Variants in HIBCH observed in about 807,000 individuals in gnomAD.
HIBCH encodes the protein 3-hydroxyisobutyryl-CoA hydrolase, mitochondrial.
A neutral mutation model predicts 58.2 loss-of-function variants in HIBCH; 50 were observed. The observed-to-expected ratio is 0.86, with a 90% CI of 0.68 to 1.09. The LOEUF (loss-of-function observed/expected upper bound fraction) is 1.09, where lower values mean the gene tolerates loss of function less well. Among genes scored for constraint, HIBCH ranks in the 50% least tolerant of loss-of-function variants. The probability of loss-of-function intolerance (pLI) is 0.00; values close to 1 mark genes in which losing one functional copy is unlikely to be tolerated. For synonymous variants in HIBCH, 151 were observed against 146.9 expected (o/e 1.03, Z -0.20); for missense variants, 450 against 449.7 (o/e 1.00, Z -0.01).
chr2:190,315,684 A>T lies in HIBCH; in HGVS notation c.35+4032T>A, dbSNP rs779949806. Among the ~76,000 whole-genome samples, 6 of 152,242 alleles carry T rather than the reference A, an allele frequency of 3.9e-5. No homozygotes were observed. Among genetic ancestry groups the T allele is most frequent in the Non-Finnish European group, 8.8e-5 (6 of 68,038 alleles). ...AAGGTGTGAACAGAGCAGAAAATCAAGTCCAGGAGGCCAATAATTTAGGCA... is the reference window on the plus strand; with the variant it reads ...AAGGTGTGAACAGAGCAGAAAATCATGTCCAGGAGGCCAATAATTTAGGCA... On this transcript the variant is annotated intron_variant, in intron 1 of 13. Coordinates refer to ENST00000359678, the MANE Select transcript of HIBCH (RefSeq NM_014362.4). The surrounding 1 kb of genome is among the most constrained non-coding windows in gnomAD (Gnocchi z 5.4).
At chr2:190,193,110 A>G (rs1175819857) in intron 1 of HIBCH, among the ~76,000 whole-genome samples, 5 of 152,074 alleles carry the variant, frequency 3.3e-5, no homozygotes, top group Admixed American at 1.3e-4. Flanking sequence ...GTCTTTCACC[A>G]CTAACATTAC....
chr2:190,211,949 G>C lies in HIBCH; in HGVS notation c.1011+1007C>G, dbSNP rs1396933063. The stretch of plus-strand genomic sequence containing the variant: ...AAACATGGAATGTGTGAGGTATACA[G>C]GAGAGTGGTCAAGAGTGCAGGCACT... On this transcript the variant is annotated intron_variant, in intron 12 of 13. Transcript: ENST00000359678. This position sits in a 1 kb window ranked among gnomAD's most constrained non-coding sequence, Gnocchi z 5.0. 1.3e-5 allele frequency among the ~76,000 whole-genome samples: 2 copies of C among 152,216 alleles called. No homozygotes were observed. The highest frequency in any genetic ancestry group is 3.8e-4 in the East Asian group (2 of 5,202).
rs764228998 is a variant in HIBCH, at chr2:190,290,273, CT to C, written c.385+131del. 7.7e-4 allele frequency: 541 copies of C among 699,096 alleles called. 2 individuals are homozygous for C. The highest frequency in any genetic ancestry group is 1.1e-3 in the Non-Finnish European group (442 of 389,204). The allele number at this position is 699,096 out of a possible 1,614,324, so 43.3% of individuals were successfully genotyped here. On this transcript the variant is annotated intron_variant, in intron 5 of 13. Coordinates refer to ENST00000359678, the MANE Select transcript of HIBCH (RefSeq NM_014362.4). ...TAAGCACTTAAAATAGTTTAATCAA[CT>C]TTACTTATGCCTGGCACATGGTATT...
intron 7 of HIBCH, 139 bp from the exon 8 acceptor site, chr2:190,252,446 T>A: frequency 1.4e-6 from 1 of 736,442 alleles, no homozygotes; most frequent in Non-Finnish European, 2.4e-6. Flanking sequence ...CTAAGTACTA[T>A]ACACTGCAAT....
At chr2:190,228,959 A>G (rs1384435115) in intron 11 of HIBCH, among the ~76,000 whole-genome samples, 1 of 152,198 alleles carries the variant, frequency 6.6e-6, no homozygotes, top group Non-Finnish European at 1.5e-5. Context: ...TAACACCCCA[A>G]AGAACCCTTC....
Position 190,236,121 on chromosome 2 carries a change from C to G in HIBCH, c.891+8766G>C, listed in dbSNP as rs963043738. On this transcript the variant is annotated intron_variant, in intron 11 of 13. Coordinates refer to ENST00000359678, the MANE Select transcript of HIBCH (RefSeq NM_014362.4). This position sits in a 1 kb window ranked among gnomAD's most constrained non-coding sequence, Gnocchi z 4.1. The stretch of plus-strand genomic sequence containing the variant: ...ACGTAACAGAATGGAGACAAGCAGA[C>G]AGAGGTGCACACACCTTCATGGAGT... Among the ~76,000 whole-genome samples the G allele has an allele frequency of 4.6e-5, 7 of 152,104 alleles. No homozygotes were observed. The highest frequency in any genetic ancestry group is 1.7e-4 in the African/African-American group (7 of 41,422).
chr2:190,221,027 C>T (rs980627353), intron 11 of HIBCH, among the ~76,000 whole-genome samples: 3 of 152,204 alleles, frequency 2.0e-5, no homozygotes, highest in Non-Finnish European at 4.4e-5. Context: ...TATATTTCCT[C>T]AGTTGGTTAT....
chr2:190,192,138 G>C (rs1482318831), intron 1 of HIBCH, among the ~76,000 whole-genome samples: 1 of 151,956 alleles, frequency 6.6e-6, no homozygotes, highest in Non-Finnish European at 1.5e-5. Context: ...TAAAGTATAA[G>C]GTATAAGTAG....
intron 6 of HIBCH, 138 bp from the exon 7 acceptor site, chr2:190,261,372 T>C: frequency 1.5e-6 from 1 of 667,236 alleles, no homozygotes; most frequent in Non-Finnish European, 2.7e-6. Flanking sequence ...AGGGAATAGG[T>C]TGTCCCCACC....
At chr2:190,221,264 G>A (rs570756274) in intron 11 of HIBCH, among the ~76,000 whole-genome samples, 61 of 152,246 alleles carry the variant, frequency 4.0e-4, no homozygotes, top group Admixed American at 6.5e-4. Flanking sequence ...AGAGTGCTGG[G>A]TTAGAATCCT....
rs568160625 is a variant in HIBCH, at chr2:190,314,307, A to G, written c.36-3511T>C. ...TATATATATGTATATATACATATAT[A>G]TGTGTATATATATGTATATATGTAT... On this transcript the variant is annotated intron_variant, in intron 1 of 13. Transcript: ENST00000359678. Among the ~76,000 whole-genome samples, 114 of 11,534 alleles carry G rather than the reference A, an allele frequency of 9.9e-3. No individual in the cohort carries two copies. The Middle Eastern group carries it at 0.4, about 40-fold the overall frequency. The allele number at this position is 11,534 out of a possible 152,430, so 7.6% of individuals were successfully genotyped here.
At chr2:190,305,715 T>C (rs563281288) in intron 2 of HIBCH, among the ~76,000 whole-genome samples, 2 of 152,284 alleles carry the variant, frequency 1.3e-5, no homozygotes, top group South Asian at 4.1e-4. Context: ...CTCTGTACTA[T>C]CTTTTTAACT....
At chr2:190,240,874 TGA>T (rs1169458250) in intron 11 of HIBCH, among the ~76,000 whole-genome samples, 1 of 152,240 alleles carries the variant, frequency 6.6e-6, no homozygotes, top group Non-Finnish European at 1.5e-5. Context: ...TTACATTTGC[TGA>T]GGAGTGTTTT....
chr2:190,319,060 G>A (rs1688780026), intron 1 of HIBCH, among the ~76,000 whole-genome samples: 1 of 152,202 alleles, frequency 6.6e-6, no homozygotes, highest in Non-Finnish European at 1.5e-5. Flanking sequence ...GGGCGCAGCT[G>A]CTACCTGGTA....
At chr2:190,249,863 A>T (rs926814439) in intron 8 of HIBCH, 137 bp from the exon 9 acceptor site, 2 of 669,038 alleles carry the variant, frequency 3.0e-6, no homozygotes, top group African/African-American at 3.7e-5. Context: ...TCACTGAAAG[A>T]AATTTTGACT....
At chr2:190,280,653 T>C (rs79515810) in intron 6 of HIBCH, among the ~76,000 whole-genome samples, 2 of 151,874 alleles carry the variant, frequency 1.3e-5, no homozygotes, top group Admixed American at 1.3e-4. Context: ...ATGCCTCAAA[T>C]GAGCATGCGC....
chr2:190,317,834 T>A (rs1559070215), intron 1 of HIBCH, among the ~76,000 whole-genome samples: 1 of 151,650 alleles, frequency 6.6e-6, no homozygotes, highest in Non-Finnish European at 1.5e-5. Flanking sequence ...TTTCCTTTTT[T>A]TTTTTTTGAG....
Position 190,220,178 on chromosome 2 carries a change from G to GC in HIBCH, c.892-7104dup, listed in dbSNP as rs544724916. ...TATGATCGTGACTTCAACAGCTGCTGCAAGAGGTCATTACATGCTGTGTAC... is the reference window on the plus strand; with the variant it reads ...TATGATCGTGACTTCAACAGCTGCTGCCAAGAGGTCATTACATGCTGTGTAC... On this transcript the variant is annotated intron_variant, in intron 11 of 13. Transcript: ENST00000359678. 5.3e-5 allele frequency: 8 copies of GC among 152,348 alleles called. No individual in the cohort carries two copies. In the South Asian group the frequency reaches 1.7e-3, roughly 32 times the overall value. The allele number at this position is 152,348 out of a possible 1,614,324, so 9.4% of individuals were successfully genotyped here.
At position 190,229,987 on chromosome 2, in the gene HIBCH, G is replaced by C. The variant is rs371850957; in HGVS notation, c.891+14900C>G. On this transcript the variant is annotated intron_variant, in intron 11 of 13. Transcript: ENST00000359678. ...CTGCATTATGGTTGGTTACTGTAGAGAGCTTGTAATGAAATCTCTCATATA... is the reference window on the plus strand; with the variant it reads ...CTGCATTATGGTTGGTTACTGTAGACAGCTTGTAATGAAATCTCTCATATA... Among the ~76,000 whole-genome samples, 23 of 152,282 alleles carry C rather than the reference G, an allele frequency of 1.5e-4. 1 individual carries two copies. The East Asian group carries it at 3.1e-3, about 20-fold the overall frequency.
Sources: gnomAD v4.1 joint callset for allele counts (sites outside exome capture counted in the v4.1 genomes callset) on GRCh38, gnomAD v4.1.1 for gene constraint, Gnocchi (gnomAD v3.1) non-coding constraint, MANE v1.5 for transcripts, NCBI Gene and HGNC (gene_info 2026-07-23, HGNC 2026-07-21) for gene names.